The following CCNY variants were observed in gnomAD, a reference collection of about 807,000 sequenced individuals.
The protein encoded by CCNY is cyclin Y.
Under a neutral mutation model 42.8 loss-of-function variants are expected in CCNY, and 19 were observed. That is an observed-to-expected ratio of 0.44 (90% CI 0.31 to 0.65). CCNY has a LOEUF of 0.65. Among genes scored for constraint, CCNY ranks in the 30% least tolerant of loss-of-function variants. CCNY has a pLI of 0.07. For synonymous variants in CCNY, 165 were observed against 162.7 expected (o/e 1.01, Z -0.11); for missense variants, 370 against 437.3 (o/e 0.85, Z 1.37).
At chr10:35,536,427 C>T (rs1840888959) in intron 7 of CCNY, among the ~76,000 whole-genome samples, 1 of 151,974 alleles carries the variant, frequency 6.6e-6, no homozygotes, top group East Asian at 1.9e-4. Flanking sequence ...GAAAAGATAC[C>T]CAAAAATATG....
At chr10:35,286,387 C>A (rs1219824817) in intron 3 of CCNY, among the ~76,000 whole-genome samples, 1 of 145,006 alleles carries the variant, frequency 6.9e-6, no homozygotes, top group Non-Finnish European at 1.5e-5. Flanking sequence ...GAGATGGAGT[C>A]TCACTCTGTC....
chr10:35,286,103 C>G (rs1283418705), intron 3 of CCNY, among the ~76,000 whole-genome samples: 2 of 151,698 alleles, frequency 1.3e-5, no homozygotes, highest in Non-Finnish European at 2.9e-5. Flanking sequence ...TGAACCACCA[C>G]GCCTGGCCTG....
chr10:35,335,679 C>T (rs958655010), upstream of CCNY, among the ~76,000 whole-genome samples: 1 of 152,014 alleles, frequency 6.6e-6, no homozygotes, highest in African/African-American at 2.4e-5. Flanking sequence ...GAAGCGAGAT[C>T]CCATCTCTAC....
intron 1 of CCNY, among the ~76,000 whole-genome samples, chr10:35,360,274 C>T (rs1480383104): frequency 1.5e-5 from 2 of 136,608 alleles, no homozygotes; most frequent in Non-Finnish European, 1.5e-5. Context: ...CTTTTTTTTC[C>T]TTTCTTTTCT....
intron 1 of CCNY, among the ~76,000 whole-genome samples, chr10:35,383,278 A>G (rs1232257970): frequency 6.6e-6 from 1 of 152,086 alleles, no homozygotes; most frequent in Non-Finnish European, 1.5e-5. Context: ...AAAGTAGGAA[A>G]TTGAACTAGA....
chr10:35,449,327 G>A lies in CCNY; in HGVS notation c.155-34077G>A, dbSNP rs540463626. Among the ~76,000 whole-genome samples, 90 of 151,892 alleles carry A rather than the reference G, an allele frequency of 5.9e-4. 1 individual carries two copies. In the South Asian group the frequency reaches 0.015, roughly 25 times the overall value. ...GAGAGAGATGGTCCCGGCAGTCAGC[G>A]AGGGAGACATTTTGAGGAGAAAGTG... On this transcript the variant is annotated intron_variant, in intron 1 of 9. Transcript: ENST00000374704.
chr10:35,358,165 A>G (rs541731612), intron 1 of CCNY, among the ~76,000 whole-genome samples: 10 of 151,658 alleles, frequency 6.6e-5, no homozygotes, highest in African/African-American at 1.7e-4. Flanking sequence ...GAACACCACC[A>G]TAACATCTGT....
rs371632005 is a variant in CCNY, at chr10:35,533,903, C to T, written c.579+3660C>T. ...ATGTAGTGAGCACAGTAATAACTGCCTACTGGCTGAAGTACATGGTGGTGA... is the reference window on the plus strand; with the variant it reads ...ATGTAGTGAGCACAGTAATAACTGCTTACTGGCTGAAGTACATGGTGGTGA... On this transcript the variant is annotated intron_variant, in intron 7 of 9. Transcript: ENST00000374704. Among the ~76,000 whole-genome samples the T allele has an allele frequency of 1.5e-3, 229 of 152,304 alleles. 5 individuals carry two copies. In the South Asian group the frequency reaches 0.025, roughly 17 times the overall value.
At chr10:35,477,582 C>T (rs1269288794) in intron 1 of CCNY, among the ~76,000 whole-genome samples, 1 of 151,936 alleles carries the variant, frequency 6.6e-6, no homozygotes, top group Non-Finnish European at 1.5e-5. Context: ...TGACAAAATT[C>T]AACAACCCTT....
At chr10:35,487,154 C>A (rs1056279749) in intron 2 of CCNY, among the ~76,000 whole-genome samples, 1 of 152,214 alleles carries the variant, frequency 6.6e-6, no homozygotes, top group Non-Finnish European at 1.5e-5. Flanking sequence ...CTTGGATAAA[C>A]TTATATTTCC....
chr10:35,506,695 T>G (rs1840222197), intron 3 of CCNY, among the ~76,000 whole-genome samples: 1 of 152,130 alleles, frequency 6.6e-6, no homozygotes, highest in Non-Finnish European at 1.5e-5. Context: ...TTGTGGAAGG[T>G]CATTTTGAAA....
chr10:35,401,027 T>C (rs1044223826), intron 1 of CCNY, among the ~76,000 whole-genome samples: 3 of 152,250 alleles, frequency 2.0e-5, no homozygotes, highest in African/African-American at 7.2e-5. Context: ...AACTGTGCTC[T>C]GAAGGGTGTG....
At chr10:35,302,871 G>A (rs1256160703) in intron 3 of CCNY, among the ~76,000 whole-genome samples, 1 of 152,118 alleles carries the variant, frequency 6.6e-6, no homozygotes, top group Non-Finnish European at 1.5e-5. Context: ...TGCTTATTCA[G>A]TATAACCAAA....
chr10:35,399,385 T>C (rs1030242121), intron 1 of CCNY, among the ~76,000 whole-genome samples: 3 of 152,196 alleles, frequency 2.0e-5, no homozygotes, highest in African/African-American at 7.2e-5. Flanking sequence ...TCCACTTTTC[T>C]GGAAGTCTTT....
At chr10:35,534,999 ATG>A (rs59534409) in intron 7 of CCNY, among the ~76,000 whole-genome samples, 11,173 of 133,336 alleles carry the variant, frequency 0.084, 702 homozygotes, top group African/African-American at 0.18. Flanking sequence ...ATCTATATAT[ATG>A]TGTGTGTGTG....
intron 1 of CCNY, among the ~76,000 whole-genome samples, chr10:35,411,924 G>A (rs999014565): frequency 2.0e-5 from 3 of 152,202 alleles, no homozygotes; most frequent in African/African-American, 7.2e-5. Context: ...TTCCTAACAA[G>A]CCTTAATTTC....
intron 3 of CCNY, among the ~76,000 whole-genome samples, chr10:35,290,265 A>ACACACACACACACAC (rs1405052578): frequency 2.6e-4 from 13 of 50,174 alleles, no homozygotes; most frequent in African/African-American, 9.0e-4. Flanking sequence ...CACACACACA[A>ACACACACACACACAC]AATTAGCTGG....
At chr10:35,491,707 G>A (rs924394358) in intron 2 of CCNY, among the ~76,000 whole-genome samples, 1 of 152,118 alleles carries the variant, frequency 6.6e-6, no homozygotes, top group Non-Finnish European at 1.5e-5. Context: ...TCTGCCTCCC[G>A]GGTTCACACC....
At chr10:35,322,792 T>C (rs1835835655) in intron 3 of CCNY, among the ~76,000 whole-genome samples, 1 of 152,190 alleles carries the variant, frequency 6.6e-6, no homozygotes, top group Non-Finnish European at 1.5e-5. Context: ...GAGATACCAC[T>C]ACGTATCCAT....
Sources: allele counts gnomAD v4.1 joint callset (sites outside exome capture counted in the v4.1 genomes callset), GRCh38; gene constraint gnomAD v4.1.1; transcripts MANE v1.5; gene names NCBI Gene and HGNC (gene_info 2026-07-23, HGNC 2026-07-21).